Variants in FIGN observed in about 807,000 individuals in gnomAD.
FIGN encodes the protein fidgetin, microtubule severing factor.
In FIGN, 11 loss-of-function variants were observed where a neutral mutation model predicts 51.3. The ratio of observed to expected loss-of-function variants is 0.21; its 90% confidence interval spans 0.13 to 0.35. The LOEUF is 0.35. Ranked by LOEUF, FIGN falls within the 10% of genes least tolerant of loss-of-function variation. The probability of loss-of-function intolerance (pLI) is 1.00; values close to 1 mark genes in which losing one functional copy is unlikely to be tolerated. For missense variants in FIGN, 857 were observed against 943.6 expected, an observed-to-expected ratio of 0.91 and a Z score of 1.20; for synonymous variants, 407 against 363.2, an observed-to-expected ratio of 1.12 and a Z score of -1.37.
In FIGN at chr2:163,645,175, TGACATTAGA is replaced by T. The variant is rs1683362995; in HGVS notation, c.26-33378_26-33370del. ...AATCTTGTAGAATGATGAAGTAAAATGACATTAGAGACAGATGGAACACTATATGCAAAG... is the reference window on the plus strand; with the variant it reads ...AATCTTGTAGAATGATGAAGTAAAATGACAGATGGAACACTATATGCAAAG... On this transcript the variant is annotated intron_variant, in intron 2 of 2. Transcript: ENST00000333129. Among the ~76,000 whole-genome samples, 8 of 152,076 alleles carry T rather than the reference TGACATTAGA, an allele frequency of 5.3e-5. No individual in the cohort carries two copies. In the South Asian group the frequency reaches 1.7e-3, roughly 32 times the overall value.
chr2:163,719,863 AT>A (rs1383131323), intron 2 of FIGN, among the ~76,000 whole-genome samples: 2 of 152,164 alleles, frequency 1.3e-5, no homozygotes, highest in South Asian at 2.1e-4. Flanking sequence ...TGAACAATTT[AT>A]TTTTTAGTAT....
Position 163,610,219 on chromosome 2 carries a change from C to G in FIGN, c.1613G>C (p.Cys538Ser). Reference protein sequence around the residue: ...RGTGKTLLGRCIASQLGATFF... With the variant: ...RGTGKTLLGRSIASQLGATFF... ...TGTGGCCCCCAGCTGACTAGCGATG[C>G]ATCTGCCCAATAATGTTTTGCCTGT... The change falls in exon 3 of 3, where the codon TGC (cysteine) becomes TCC (serine). Residue 538 changes from cysteine to serine, a missense_variant. By Grantham distance (112) the Cys-to-Ser change is moderately radical. This residue lies in a region of FIGN where 799 missense variants were observed against 849.5 expected (regional missense o/e 0.94). Transcript: ENST00000333129. 2 of 1,614,152 alleles carry G rather than the reference C, an allele frequency of 1.2e-6. No homozygotes were observed. The highest frequency in any genetic ancestry group is 1.7e-6 in the Non-Finnish European group (2 of 1,180,032).
At chr2:163,723,107 C>T (rs1409373493) in intron 2 of FIGN, among the ~76,000 whole-genome samples, 1 of 151,872 alleles carries the variant, frequency 6.6e-6, no homozygotes, top group Non-Finnish European at 1.5e-5. Context: ...AGGAGAATGG[C>T]GTGAACCCGG....
In FIGN at chr2:163,611,127, G is replaced by A. The variant is rs760638627; in HGVS notation, c.705C>T (p.Gly235=). 25 of 1,614,016 alleles carry A rather than the reference G, an allele frequency of 1.5e-5. No individual in the cohort carries two copies. The highest frequency in any genetic ancestry group is 1.8e-5 in the Non-Finnish European group (21 of 1,180,032). ...TGGAGAGGTTAGAAGTCCCATTGTAGCCTGGGACCAAGGCTGGTGGCGGAG... is the reference window on the plus strand; with the variant it reads ...TGGAGAGGTTAGAAGTCCCATTGTAACCTGGGACCAAGGCTGGTGGCGGAG... The part of the protein sequence containing the change: ...PPPPPPALVP[G]YNGTSNLSSY... The change falls in exon 3 of 3, where the codon GGC becomes GGT. Residue 235 remains glycine, a synonymous_variant. Transcript: ENST00000333129.
At chr2:163,642,382 A>G (rs1291551472) in intron 2 of FIGN, among the ~76,000 whole-genome samples, 1 of 152,244 alleles carries the variant, frequency 6.6e-6, no homozygotes, top group Non-Finnish European at 1.5e-5. Flanking sequence ...CACTCTGCTA[A>G]TAACTAGTGT....
intron 2 of FIGN, among the ~76,000 whole-genome samples, chr2:163,639,280 A>C (rs183760964): frequency 1.5e-3 from 224 of 152,288 alleles, no homozygotes; most frequent in Middle Eastern, 3.4e-3. Flanking sequence ...CTTAAAAAAC[A>C]CAGCACATTT....
chr2:163,628,850 A>G (rs1683098105), intron 2 of FIGN, among the ~76,000 whole-genome samples: 1 of 152,168 alleles, frequency 6.6e-6, no homozygotes, highest in African/African-American at 2.4e-5. Flanking sequence ...AGGGATTTTT[A>G]TTACCCTTTA....
intron 2 of FIGN, among the ~76,000 whole-genome samples, chr2:163,716,013 C>T (rs933786482): frequency 6.6e-6 from 1 of 152,134 alleles, no homozygotes; most frequent in Non-Finnish European, 1.5e-5. Flanking sequence ...CACATTATTC[C>T]CATGAATGAT....
chr2:163,628,615 A>C lies in FIGN; in HGVS notation c.26-16809T>G, dbSNP rs1414363440. Among the ~76,000 whole-genome samples the C allele has an allele frequency of 3.3e-5, 5 of 152,172 alleles. No individual in the cohort carries two copies. The East Asian group carries it at 9.6e-4, about 29-fold the overall frequency. ...GACAAATTCGAGGGGACAAATAAGCAGGGTCTAAACTTAAGCAAGAGGAAG... is the reference window on the plus strand; with the variant it reads ...GACAAATTCGAGGGGACAAATAAGCCGGGTCTAAACTTAAGCAAGAGGAAG... On this transcript the variant is annotated intron_variant, in intron 2 of 2. Coordinates refer to ENST00000333129, the MANE Select transcript of FIGN (RefSeq NM_018086.4).
rs558707951 is a variant in FIGN at position 163,610,302 on chromosome 2, G to A, written c.1530C>T (p.Asp510=). ...EEVLWPVLRS[D]AFSGLTALPR... is the part of the protein sequence containing the mutation. ...GTAAGGCCGTCAGTCCACTGAACGC[G>A]TCTGACCTCAACACTGGCCATAAAA... Residue 510 remains aspartate, a synonymous_variant, in exon 3 of 3, where the codon GAC becomes GAT. Transcript: ENST00000333129. 7.3e-5 allele frequency: 118 copies of A among 1,614,130 alleles called. 2 individuals carry two copies. In the South Asian group the frequency reaches 1.2e-3, roughly 16 times the overall value.
At chr2:163,730,733 A>C (rs1317334440) in intron 2 of FIGN, among the ~76,000 whole-genome samples, 1 of 152,212 alleles carries the variant, frequency 6.6e-6, no homozygotes, top group African/African-American at 2.4e-5. Context: ...TCAATGACTC[A>C]AGAAAAACAG....
intron 2 of FIGN, among the ~76,000 whole-genome samples, chr2:163,657,558 A>C (rs1235019094): frequency 6.6e-6 from 1 of 150,384 alleles, no homozygotes; most frequent in Non-Finnish European, 1.5e-5. Flanking sequence ...GTTTGGGTAG[A>C]GTTTTCCCCA....
intron 2 of FIGN, among the ~76,000 whole-genome samples, chr2:163,638,801 T>C (rs1683264644): frequency 6.6e-6 from 1 of 152,162 alleles, no homozygotes; most frequent in Non-Finnish European, 1.5e-5. Context: ...CTTTTATCAC[T>C]ACCCAACCTA....
intron 2 of FIGN, among the ~76,000 whole-genome samples, chr2:163,724,189 G>C (rs1227949452): frequency 6.6e-6 from 1 of 152,124 alleles, no homozygotes; most frequent in Non-Finnish European, 1.5e-5. Context: ...TCGACTGTGG[G>C]CTTCTGCTGA....
intron 2 of FIGN, among the ~76,000 whole-genome samples, chr2:163,731,052 T>C (rs1407962182): frequency 1.3e-5 from 2 of 152,168 alleles, no homozygotes; most frequent in African/African-American, 4.8e-5. Context: ...AGTAATTCTG[T>C]TGATTTTGGG....
chr2:163,695,749 G>A (rs7584222), intron 2 of FIGN, among the ~76,000 whole-genome samples: 151,963 of 152,340 alleles, frequency 1, 75,802 homozygotes, highest in Middle Eastern at 1. Flanking sequence ...CCAACAGACT[G>A]TAAGTTCCTC....
intron 2 of FIGN, among the ~76,000 whole-genome samples, chr2:163,677,040 T>G (rs1030467070): frequency 1.3e-5 from 2 of 152,324 alleles, no homozygotes; most frequent in Middle Eastern, 3.4e-3. Flanking sequence ...GTGCTAAACT[T>G]TGTTGACAGC....
intron 2 of FIGN, among the ~76,000 whole-genome samples, chr2:163,637,899 C>T (rs1305955346): frequency 1.3e-5 from 2 of 152,070 alleles, no homozygotes; most frequent in Non-Finnish European, 2.9e-5. Context: ...GACAGAATCT[C>T]AAGTAAACAA....
intron 2 of FIGN, among the ~76,000 whole-genome samples, chr2:163,691,823 T>C (rs1004845724): frequency 7.9e-5 from 12 of 152,128 alleles, no homozygotes; most frequent in African/African-American, 2.9e-4. Context: ...ATATGTGCTA[T>C]AACCAGGGCC....
Sources: allele counts gnomAD v4.1 joint callset (sites outside exome capture counted in the v4.1 genomes callset), GRCh38; gene constraint gnomAD v4.1.1; regional missense constraint gnomAD v4.1.1; transcripts MANE v1.5; gene names NCBI Gene and HGNC (gene_info 2026-07-23, HGNC 2026-07-21).